The following LRP8 variants were observed in gnomAD, a reference collection of about 807,000 sequenced individuals.
LRP8 encodes LDL receptor related protein 8.
A neutral mutation model predicts 111.6 loss-of-function variants in LRP8; 46 were observed. The observed-to-expected ratio is 0.41, with a 90% CI of 0.33 to 0.53. The LOEUF (loss-of-function observed/expected upper bound fraction) is 0.53. Ranked by LOEUF, LRP8 falls within the 20% of genes least tolerant of loss-of-function variation. The pLI is 0.20. For missense variants in LRP8, 959 were observed against 1,297.4 expected, an observed-to-expected ratio of 0.74 and a Z score of 4.01; for synonymous variants, 464 against 511.2, an observed-to-expected ratio of 0.91 and a Z score of 1.24.
Position 53,294,403 on chromosome 1 carries a change from C to T in LRP8, c.245-4714G>A, listed in dbSNP as rs1326054441. Among the ~76,000 whole-genome samples, 2 of 152,148 alleles carry T rather than the reference C, an allele frequency of 1.3e-5. No homozygotes were observed. Among genetic ancestry groups the T allele is most frequent in the African/African-American group, 4.8e-5 (2 of 41,428 alleles). On this transcript the variant is annotated intron_variant, in intron 2 of 18. Coordinates refer to ENST00000306052, the MANE Select transcript of LRP8 (RefSeq NM_004631.5). The surrounding 1 kb of genome is among the most constrained non-coding windows in gnomAD (Gnocchi z 4.1). ...TGCTATTTATAACAAGAACACGGGC[C>T]AAGGAAAGTGCCAGACAGTCCATGG...
chr1:53,242,872 C>CACAT lies in LRP8; in HGVS notation c.*4145_*4146insATGT, dbSNP rs1645667700. Reference sequence around the variant, plus strand: ...ATATATATATATACACACACACACACGTGGCTTTTTAAAAATTACTTTTTT... The same window carrying CACAT: ...ATATATATATATACACACACACACACACATGTGGCTTTTTAAAAATTACTTTTTT... On this transcript the variant is annotated 3_prime_UTR_variant, in exon 19 of 19. Coordinates refer to ENST00000306052, the MANE Select transcript of LRP8 (RefSeq NM_004631.5). 1.3e-5 allele frequency: 2 copies of CACAT among 150,774 alleles called. No individual in the cohort carries two copies. Among genetic ancestry groups the CACAT allele is most frequent in the African/African-American group, 2.4e-5 (1 of 41,058 alleles). The allele number at this position is 150,774 out of a possible 1,614,324, so 9.3% of individuals were successfully genotyped here.
At chr1:53,280,466 T>C in intron 4 of LRP8, 121 bp downstream of exon 4, 2 of 1,302,236 alleles carry the variant, frequency 1.5e-6, no homozygotes, top group Non-Finnish European at 2.1e-6. Context: ...CTGATCGTTA[T>C]CCTTTCCTCT....
chr1:53,288,634 G>C (rs1476157397), intron 3 of LRP8, among the ~76,000 whole-genome samples: 1 of 152,054 alleles, frequency 6.6e-6, no homozygotes, highest in Non-Finnish European at 1.5e-5. Context: ...CGTTAGATGG[G>C]ACTCCGGTCT....
At position 53,327,005 on chromosome 1, in the gene LRP8, G is replaced by A; in HGVS notation, c.125-13C>T. ...TCCTTGGCCGGCCCTGCGAGGGGGA[G>A]GGAGCGTGAGCTGGATCAGCGGACT... On this transcript the variant is annotated splice_polypyrimidine_tract_variant and intron_variant, in intron 1 of 18. Coordinates refer to ENST00000306052, the MANE Select transcript of LRP8 (RefSeq NM_004631.5). The A allele has an allele frequency of 6.2e-7, 1 of 1,611,448 alleles. No individual in the cohort carries two copies. Among genetic ancestry groups the A allele is most frequent in the Non-Finnish European group, 8.5e-7 (1 of 1,179,782 alleles).
Position 53,266,147 on chromosome 1 carries a change from G to T in LRP8, c.1427+326C>A, listed in dbSNP as rs1043055647. 6.6e-6 allele frequency among the ~76,000 whole-genome samples: 1 copy of T among 150,816 alleles called. No homozygotes were observed. The highest frequency in any genetic ancestry group is 2.4e-5 in the African/African-American group (1 of 41,210). Reference sequence around the variant, plus strand: ...CAACACACAGGGATGTGAGCTGCTTGGAAAGTCCTCCCCAAAGCCAGGATT... The same window carrying T: ...CAACACACAGGGATGTGAGCTGCTTTGAAAGTCCTCCCCAAAGCCAGGATT... On this transcript the variant is annotated intron_variant, in intron 9 of 18. Coordinates refer to ENST00000306052, the MANE Select transcript of LRP8 (RefSeq NM_004631.5). The surrounding 1 kb of genome is among the most constrained non-coding windows in gnomAD (Gnocchi z 5.0).
At chr1:53,247,885 T>C (rs1353185590) in intron 18 of LRP8, among the ~76,000 whole-genome samples, 2 of 152,240 alleles carry the variant, frequency 1.3e-5, no homozygotes, top group East Asian at 3.8e-4. Flanking sequence ...CAGCTAGTCC[T>C]GATGTAATCT....
At chr1:53,313,627 C>G (rs1252325950) in intron 2 of LRP8, among the ~76,000 whole-genome samples, 9 of 152,142 alleles carry the variant, frequency 5.9e-5, no homozygotes, top group Admixed American at 4.6e-4. Context: ...TGAGGCCGGA[C>G]AAGCAGAGAT....
chr1:53,308,077 G>A (rs942758469), intron 2 of LRP8, among the ~76,000 whole-genome samples: 4 of 152,336 alleles, frequency 2.6e-5, no homozygotes, highest in Admixed American at 6.5e-5. Flanking sequence ...GATGCAGGGC[G>A]CTCAGTCCCT....
At chr1:53,327,502 T>G in intron 1 of LRP8, 1 of 335,340 alleles carries the variant, frequency 3.0e-6, no homozygotes, top group South Asian at 7.5e-5. Flanking sequence ...ACACAGCTCA[T>G]CCGGAACCAT....
chr1:53,264,457 T>C (rs1557767993), intron 9 of LRP8, 61 bp from the exon 10 acceptor site: 3 of 1,354,360 alleles, frequency 2.2e-6, no homozygotes, highest in South Asian at 2.5e-5. Context: ...CATCTGGAGC[T>C]ACCTGTGCAC....
chr1:53,285,219 C>T (rs748736324), intron 3 of LRP8, among the ~76,000 whole-genome samples: 23 of 152,206 alleles, frequency 1.5e-4, no homozygotes, highest in Admixed American at 1.3e-3. Flanking sequence ...GGTCCAAACA[C>T]AGTGCTTAAC....
At chr1:53,271,523 C>T (rs575131120) in intron 6 of LRP8, among the ~76,000 whole-genome samples, 177 bp from the exon 7 acceptor site, 19 of 152,062 alleles carry the variant, frequency 1.2e-4, no homozygotes, top group Non-Finnish European at 2.4e-4. Flanking sequence ...GGGCAGCAGG[C>T]GGCACAGAGA....
Position 53,244,731 on chromosome 1 carries a change from T to C in LRP8, c.*2287A>G, listed in dbSNP as rs558663503. The C allele has an allele frequency of 2.3e-4, 35 of 152,358 alleles. No homozygotes were observed. The highest frequency in any genetic ancestry group is 8.4e-4 in the African/African-American group (35 of 41,586). The allele number at this position is 152,358 out of a possible 1,614,324, so 9.4% of individuals were successfully genotyped here. ...GATCTTACTGAAAGTTTAGAAACTA[T>C]GCCTTAGCCACTGTTATCATTTAAT... is the stretch of plus-strand genomic sequence containing the variant. On this transcript the variant is annotated 3_prime_UTR_variant, in exon 19 of 19. Coordinates refer to ENST00000306052, the MANE Select transcript of LRP8 (RefSeq NM_004631.5).
intron 8 of LRP8, among the ~76,000 whole-genome samples, chr1:53,269,486 A>T (rs1267703199): frequency 6.6e-6 from 1 of 151,718 alleles, no homozygotes; most frequent in Non-Finnish European, 1.5e-5. Flanking sequence ...GCTAGTTTTT[A>T]AATTTTTTTT....
intron 12 of LRP8, among the ~76,000 whole-genome samples, chr1:53,261,321 C>T (rs990622040): frequency 1.3e-5 from 2 of 152,262 alleles, no homozygotes; most frequent in Admixed American, 6.5e-5. Flanking sequence ...TGTGTACCAA[C>T]ACACCTGTCC....
chr1:53,290,881 G>A (rs993510130), intron 2 of LRP8, among the ~76,000 whole-genome samples: 4 of 152,086 alleles, frequency 2.6e-5, no homozygotes, highest in East Asian at 1.9e-4. Flanking sequence ...GGCCTTGAGC[G>A]CTCCACCCCT....
In LRP8 at chr1:53,275,340, A is replaced by G. The variant is rs1646884775; in HGVS notation, c.1006+291T>C. On this transcript the variant is annotated intron_variant, in intron 6 of 18. Transcript: ENST00000306052. This position sits in a 1 kb window ranked among gnomAD's most constrained non-coding sequence, Gnocchi z 4.4. ...TGCTCAGCCTGGGAACTAGTGAGGG[A>G]AGCCACTCACCAGCTGGGACCTGGA... Among the ~76,000 whole-genome samples the G allele has an allele frequency of 1.3e-5, 2 of 152,132 alleles. No individual in the cohort carries two copies. Among genetic ancestry groups the G allele is most frequent in the African/African-American group, 4.8e-5 (2 of 41,422 alleles).
chr1:53,285,045 C>T (rs1008934010), intron 3 of LRP8, among the ~76,000 whole-genome samples: 1 of 152,214 alleles, frequency 6.6e-6, no homozygotes, highest in Non-Finnish European at 1.5e-5. Context: ...CCTCTCTACT[C>T]CACAGTCCTG....
At chr1:53,307,168 G>A (rs139263392) in intron 2 of LRP8, among the ~76,000 whole-genome samples, 6 of 152,340 alleles carry the variant, frequency 3.9e-5, no homozygotes, top group African/African-American at 1.4e-4. Context: ...ATAGGTGCCA[G>A]CCAGGGCAGC....
Sources: gnomAD v4.1 joint callset for allele counts (sites outside exome capture counted in the v4.1 genomes callset) on GRCh38, gnomAD v4.1.1 for gene constraint, Gnocchi (gnomAD v3.1) non-coding constraint, MANE v1.5 for transcripts, NCBI Gene and HGNC (gene_info 2026-07-23, HGNC 2026-07-21) for gene names.